The following ESRRG variants were observed in gnomAD, a reference collection of about 807,000 sequenced individuals.
The protein encoded by ESRRG is estrogen related receptor gamma, also known as estrogen-related receptor gamma.
In ESRRG, 13 loss-of-function variants were observed where a neutral mutation model predicts 44.0. That is an observed-to-expected ratio of 0.30 (90% confidence interval 0.19 to 0.47). ESRRG has a LOEUF of 0.47. Ranked by LOEUF, ESRRG falls within the 20% of genes least tolerant of loss-of-function variation. The probability of loss-of-function intolerance (pLI) is 1.00; values close to 1 mark genes in which losing one functional copy is unlikely to be tolerated. For missense variants in ESRRG, 395 were observed against 580.6 expected (o/e 0.68, Z 3.29); for synonymous variants, 215 against 214.6 (o/e 1.00, Z -0.02).
At position 216,617,664 on chromosome 1, in the gene ESRRG, T is replaced by C. The variant is rs374295513; in HGVS notation, c.589+33309A>G. Among the ~76,000 whole-genome samples, 36 of 152,318 alleles carry C rather than the reference T, an allele frequency of 2.4e-4. 1 individual carries two copies. The East Asian group carries it at 6.9e-3, about 29-fold the overall frequency. On this transcript the variant is annotated intron_variant, in intron 3 of 6. Transcript: ENST00000408911. ...CATGTTGATAACAGAAATGCTAATC[T>C]CTTGGCCTTAACCCCACCCAGCACT...
At chr1:217,042,313 C>A (rs1375389390) in intron 1 of ESRRG, among the ~76,000 whole-genome samples, 1 of 152,250 alleles carries the variant, frequency 6.6e-6, no homozygotes, top group Admixed American at 6.5e-5. Context: ...CATTTCAAAT[C>A]TAACCTTGTC....
intron 1 of ESRRG, among the ~76,000 whole-genome samples, chr1:217,108,869 C>A (rs988902208): frequency 7.9e-5 from 12 of 152,118 alleles, no homozygotes; most frequent in African/African-American, 2.9e-4. Context: ...CAAGAACGGC[C>A]TAACACAGGA....
chr1:216,584,564 A>G (rs2149867637), intron 3 of ESRRG, among the ~76,000 whole-genome samples: 1 of 152,260 alleles, frequency 6.6e-6, no homozygotes, highest in Admixed American at 6.5e-5. Context: ...CCCAAAACTT[A>G]CAAGTTATAA....
chr1:216,783,709 C>T (rs1055705164), intron 2 of ESRRG, among the ~76,000 whole-genome samples: 24 of 151,802 alleles, frequency 1.6e-4, no homozygotes, highest in East Asian at 5.8e-4. Flanking sequence ...TTTCTTGGAC[C>T]GTGACAGTAC....
At chr1:216,969,519 A>G (rs1578840113) in intron 1 of ESRRG, among the ~76,000 whole-genome samples, 1 of 152,158 alleles carries the variant, frequency 6.6e-6, no homozygotes, top group Non-Finnish European at 1.5e-5. Flanking sequence ...TACTTAGTAA[A>G]TACTTAAGTG....
intron 2 of ESRRG, among the ~76,000 whole-genome samples, chr1:216,730,102 C>T (rs530860787): frequency 6.6e-6 from 1 of 151,844 alleles, no homozygotes; most frequent in Non-Finnish European, 1.5e-5. Context: ...TACATTTCTC[C>T]CCTTTCCAGT....
intron 2 of ESRRG, among the ~76,000 whole-genome samples, chr1:216,767,829 T>G (rs754368310): frequency 6.6e-6 from 1 of 152,106 alleles, no homozygotes; most frequent in African/African-American, 2.4e-5. Flanking sequence ...GTGTGGCCTA[T>G]TAAGAAAAGA....
chr1:216,774,503 A>G (rs1458287072), intron 2 of ESRRG, among the ~76,000 whole-genome samples: 4 of 152,072 alleles, frequency 2.6e-5, no homozygotes, highest in African/African-American at 7.2e-5. Flanking sequence ...CATATTATCA[A>G]TGAAAATCTT....
intron 1 of ESRRG, among the ~76,000 whole-genome samples, chr1:216,989,974 T>C (rs755955981): frequency 1.3e-5 from 2 of 152,188 alleles, no homozygotes; most frequent in Non-Finnish European, 2.9e-5. Flanking sequence ...GAGCTTTTTA[T>C]AATGTGTCTT....
intron 2 of ESRRG, among the ~76,000 whole-genome samples, chr1:216,886,489 T>A (rs1478574247): frequency 6.6e-6 from 1 of 152,152 alleles, no homozygotes; most frequent in Non-Finnish European, 1.5e-5. Context: ...ATAGAAGCCA[T>A]CTTTGGGTTT....
rs1553355981 is a variant in ESRRG, at chr1:216,569,111, A to AGGAAGAAG, written c.590-1014_590-1013insCTTCTTCC. 1.5e-3 allele frequency among the ~76,000 whole-genome samples: 159 copies of AGGAAGAAG among 104,456 alleles called. 6 individuals carry two copies. Among genetic ancestry groups the AGGAAGAAG allele is most frequent in the East Asian group, 5.0e-3 (19 of 3,776 alleles). The allele number at this position is 104,456 out of a possible 152,430, so 68.5% of individuals were successfully genotyped here. On this transcript the variant is annotated intron_variant, in intron 3 of 6. Transcript: ENST00000408911. ...AAGGAAGGAAGGAAGGAAGGAAGGAAGAAGGAAGGAAGGAAGGAAGGAAAG... is the reference window on the plus strand; with the variant it reads ...AAGGAAGGAAGGAAGGAAGGAAGGAAGGAAGAAGGAAGGAAGGAAGGAAGGAAGGAAAG...
intron 2 of ESRRG, among the ~76,000 whole-genome samples, chr1:216,906,492 A>G (rs1352177985): frequency 6.6e-6 from 1 of 152,146 alleles, no homozygotes; most frequent in Non-Finnish European, 1.5e-5. Flanking sequence ...CCTCAATTGA[A>G]CAGCAAAGCC....
chr1:216,827,861 A>T (rs1220130928), intron 2 of ESRRG, among the ~76,000 whole-genome samples: 1 of 152,180 alleles, frequency 6.6e-6, no homozygotes. Context: ...TCCAAATAGA[A>T]TCTGAATCAA....
intron 2 of ESRRG, among the ~76,000 whole-genome samples, chr1:216,802,196 G>T (rs1283946701): frequency 6.6e-6 from 1 of 152,032 alleles, no homozygotes; most frequent in African/African-American, 2.4e-5. Context: ...TTTTCTGTTT[G>T]AGGAAGTGTG....
At chr1:216,669,781 G>A (rs2074772154) in intron 2 of ESRRG, among the ~76,000 whole-genome samples, 1 of 152,052 alleles carries the variant, frequency 6.6e-6, no homozygotes. Context: ...AGCTACTTGG[G>A]AAGCTGAGGC....
intron 2 of ESRRG, among the ~76,000 whole-genome samples, chr1:216,838,526 G>A (rs1444308311): frequency 1.3e-5 from 2 of 152,030 alleles, no homozygotes; most frequent in South Asian, 2.1e-4. Flanking sequence ...TTTTGAAGAC[G>A]AAAAACAACT....
At chr1:216,706,096 T>A (rs1287350072) in intron 1 of ESRRG, among the ~76,000 whole-genome samples, 1 of 152,168 alleles carries the variant, frequency 6.6e-6, no homozygotes, top group Non-Finnish European at 1.5e-5. Flanking sequence ...TGTTGTTGCT[T>A]TGTTAGTGAG....
At chr1:217,080,671 G>GTTTTTTTTTTTTTTTTTTTTTTTTT (rs34598045) in intron 1 of ESRRG, among the ~76,000 whole-genome samples, 3 of 65,242 alleles carry the variant, frequency 4.6e-5, no homozygotes, top group Non-Finnish European at 5.6e-5. Flanking sequence ...TGTTTTTTTG[G>GTTTTTTTTTTTTTTTTTTTTTTTTT]TTTTTTTTTT....
chr1:217,117,525 T>C (rs1042454088), intron 1 of ESRRG, among the ~76,000 whole-genome samples: 2 of 151,944 alleles, frequency 1.3e-5, no homozygotes, highest in Non-Finnish European at 2.9e-5. Flanking sequence ...TTCCAAGCTG[T>C]AGTGAGCCAT....
Sources: allele counts gnomAD v4.1 joint callset (sites outside exome capture counted in the v4.1 genomes callset), GRCh38; gene constraint gnomAD v4.1.1; transcripts MANE v1.5; gene names NCBI Gene and HGNC (gene_info 2026-07-23, HGNC 2026-07-21).